The following PDIA3 variants were observed in gnomAD, a reference collection of about 807,000 sequenced individuals.
PDIA3 encodes protein disulfide isomerase family A member 3, also known as protein disulfide-isomerase A3.
Under a neutral mutation model 56.9 loss-of-function variants are expected in PDIA3, and 16 were observed. That is an observed-to-expected ratio of 0.28 (90% CI 0.19 to 0.43). The LOEUF (loss-of-function observed/expected upper bound fraction) is 0.43. Among genes scored for constraint, PDIA3 ranks in the 20% least tolerant of loss-of-function variants. The pLI, the probability that PDIA3 is intolerant of heterozygous loss-of-function variation, is 1.00. For missense variants in PDIA3, 485 were observed against 621.3 expected, an observed-to-expected ratio of 0.78 and a Z score of 2.33; for synonymous variants, 192 against 216.5, an observed-to-expected ratio of 0.89 and a Z score of 0.99.
intron 8 of PDIA3, among the ~76,000 whole-genome samples, chr15:43,767,232 A>G (rs1268367273): frequency 1.3e-5 from 2 of 151,980 alleles, no homozygotes; most frequent in Admixed American, 6.6e-5. Flanking sequence ...CATGCCTGCA[A>G]TCCCAGCTAC....
intron 4 of PDIA3, 119 bp from the exon 5 acceptor site, chr15:43,762,958 G>A: frequency 2.1e-6 from 2 of 970,316 alleles, no homozygotes; most frequent in South Asian, 1.6e-5. Flanking sequence ...TGGCAAAGCA[G>A]ACCCAGTCCT....
intron 3 of PDIA3, among the ~76,000 whole-genome samples, chr15:43,758,053 A>G (rs745614774): frequency 6.6e-6 from 1 of 151,716 alleles, no homozygotes; most frequent in Non-Finnish European, 1.5e-5. Flanking sequence ...AGCCTGACCA[A>G]CATGGGGAAA....
chr15:43,747,809 A>G (rs1006571059), intron 1 of PDIA3, among the ~76,000 whole-genome samples: 2 of 152,120 alleles, frequency 1.3e-5, no homozygotes, highest in African/African-American at 2.4e-5. Context: ...GCCTCAAACA[A>G]CTTGCTAAGG....
At position 43,773,131 on chromosome 15, in the gene PDIA3, C is replaced by G. The variant is rs763733914; in HGVS notation, c.*1913C>G. ...CTTGATAACTTCAGCTGCCCCTGTT[C>G]TTTTCCTCAAACTCCAGGATGAGAC... On this transcript the variant is annotated 3_prime_UTR_variant, in exon 13 of 13. Coordinates refer to ENST00000300289, the MANE Select transcript of PDIA3 (RefSeq NM_005313.5). The G allele has an allele frequency of 3.1e-6, 5 of 1,608,454 alleles. No homozygotes were observed. The highest frequency in any genetic ancestry group is 4.2e-6 in the Non-Finnish European group (5 of 1,178,400).
intron 1 of PDIA3, chr15:43,753,016 C>A: frequency 2.6e-6 from 1 of 380,122 alleles, no homozygotes; most frequent in South Asian, 1.9e-5. Flanking sequence ...AAAAATCAGG[C>A]CTGCCATCTA....
At chr15:43,751,932 A>T (rs1055265768) in intron 1 of PDIA3, among the ~76,000 whole-genome samples, 2 of 152,198 alleles carry the variant, frequency 1.3e-5, no homozygotes, top group Non-Finnish European at 2.9e-5. Flanking sequence ...AGCCTTGACA[A>T]CTACTATATA....
intron 1 of PDIA3, among the ~76,000 whole-genome samples, chr15:43,753,108 T>C: frequency 6.7e-6 from 1 of 149,924 alleles, no homozygotes; most frequent in East Asian, 2.0e-4. Context: ...GACAGAGTCT[T>C]ATTCTGTCAC....
chr15:43,767,795 GAAAT>G (rs1315960496), intron 8 of PDIA3, among the ~76,000 whole-genome samples: 16 of 134,770 alleles, frequency 1.2e-4, no homozygotes, highest in African/African-American at 3.6e-4. Context: ...AAAAAAGAAA[GAAAT>G]AGATAAGATT....
At chr15:43,765,276 G>T (rs2086840663) in intron 5 of PDIA3, among the ~76,000 whole-genome samples, 174 bp from the exon 6 acceptor site, 1 of 151,896 alleles carries the variant, frequency 6.6e-6, no homozygotes, top group Non-Finnish European at 1.5e-5. Flanking sequence ...AGCTATTTGG[G>T]CAGCTAAGGT....
At chr15:43,747,774 T>C (rs2086716720) in intron 1 of PDIA3, among the ~76,000 whole-genome samples, 1 of 152,204 alleles carries the variant, frequency 6.6e-6, no homozygotes, top group African/African-American at 2.4e-5. Flanking sequence ...TTTTATTTGC[T>C]TCAGACTCAG....
rs145154008 is a variant in PDIA3 at position 43,769,628 on chromosome 15, T to C, written c.1248T>C (p.Tyr416=). ...CGHCKNLEPK[Y]KELGEKLSKD... ...ACTGTAAGAACCTGGAGCCCAAGTA[T>C]AAAGAACTTGGCGAGAAGGTAAGTG... The change falls in exon 10 of 13, where the codon TAT becomes TAC. Residue 416 remains tyrosine (Y), a synonymous_variant. Coordinates refer to ENST00000300289, the MANE Select transcript of PDIA3 (RefSeq NM_005313.5). 74 of 1,613,886 alleles carry C rather than the reference T, an allele frequency of 4.6e-5. No individual in the cohort carries two copies. The Middle Eastern group carries it at 6.6e-4, about 14-fold the overall frequency.
At position 43,752,989 on chromosome 15, in the gene PDIA3, G is replaced by C. The variant is rs549634873; in HGVS notation, c.168-835G>C. On this transcript the variant is annotated intron_variant, in intron 1 of 12. Coordinates refer to ENST00000300289, the MANE Select transcript of PDIA3 (RefSeq NM_005313.5). ...TTTTGTTATCACTTCTCATGGCTAG[G>C]TGAACTATGTAGCTGTAAAAATCAG... 15 of 423,892 alleles carry C rather than the reference G, an allele frequency of 3.5e-5. No homozygotes were observed. The East Asian group carries it at 1.1e-3, about 30-fold the overall frequency. 26.3% of individuals were successfully genotyped at this position (423,892 alleles called of 1,614,324 possible). A position where few individuals can be genotyped will look rare whatever the true frequency, so the allele number is the denominator to read the frequency against.
rs746215032 is a variant in PDIA3 at position 43,771,128 on chromosome 15, T to C, written c.1428T>C (p.Phe476=). Residue 476 remains phenylalanine (F), a synonymous_variant, in exon 13 of 13, where the codon TTT becomes TTC. Transcript: ENST00000300289. Reference sequence around the variant, plus strand: ...AGGGTGGCCGTGAATTAAGTGATTTTATTAGCTATCTACAAAGAGAAGCTA... The same window carrying C: ...AGGGTGGCCGTGAATTAAGTGATTTCATTAGCTATCTACAAAGAGAAGCTA... ...KYEGGRELSD[F]ISYLQREATN... is the part of the protein sequence containing the mutation. 2 of 1,612,902 alleles carry C rather than the reference T, an allele frequency of 1.2e-6. No homozygotes were observed. The highest frequency in any genetic ancestry group is 1.7e-6 in the Non-Finnish European group (2 of 1,179,422).
chr15:43,767,930 C>A (rs1321809013), intron 8 of PDIA3, among the ~76,000 whole-genome samples: 3 of 152,074 alleles, frequency 2.0e-5, no homozygotes, highest in Non-Finnish European at 4.4e-5. Flanking sequence ...GCCTGGGCAA[C>A]ATAGCAAGAC....
Position 43,772,578 on chromosome 15 carries a change from G to A in PDIA3, c.*1360G>A, listed in dbSNP as rs905432228. 2.0e-5 allele frequency: 3 copies of A among 152,172 alleles called. No individual in the cohort carries two copies. The highest frequency in any genetic ancestry group is 7.2e-5 in the African/African-American group (3 of 41,438). The allele number at this position is 152,172 out of a possible 1,614,324, so 9.4% of individuals were successfully genotyped here. ...GAACCATCTGCCTTGGAAGATTTAA[G>A]GGAAACATATAAACTTGTACAAAGG... On this transcript the variant is annotated 3_prime_UTR_variant, in exon 13 of 13. Transcript: ENST00000300289.
chr15:43,746,678 C>G lies in PDIA3; in HGVS notation c.139C>G (p.Leu47Val). The G allele has an allele frequency of 6.2e-7, 1 of 1,612,978 alleles. No individual in the cohort carries two copies. Among genetic ancestry groups the G allele is most frequent in the Non-Finnish European group, 8.5e-7 (1 of 1,179,916 alleles). ...SRISDTGSAG[L>V]MLVEFFAPWC... ...CATCTCCGACACGGGCTCTGCGGGCCTCATGCTCGTCGAGTTCTTCGCCCC... is the reference window on the plus strand; with the variant it reads ...CATCTCCGACACGGGCTCTGCGGGCGTCATGCTCGTCGAGTTCTTCGCCCC... The change falls in exon 1 of 13, where the codon CTC becomes GTC. Residue 47 changes from leucine (L) to valine (V), a missense_variant. By Grantham distance (32) the Leu-to-Val change is conservative. Transcript: ENST00000300289.
chr15:43,766,983 G>C (rs2086851068), intron 8 of PDIA3, 73 bp downstream of exon 8: 1 of 1,308,546 alleles, frequency 7.6e-7, no homozygotes, highest in African/African-American at 1.5e-5. Context: ...GATTTCTAAA[G>C]AACAATAACC....
intron 1 of PDIA3, among the ~76,000 whole-genome samples, chr15:43,753,489 A>C (rs115626823): frequency 0.011 from 1,607 of 152,300 alleles, 35 homozygotes; most frequent in African/African-American, 0.037. Context: ...AATTGGTCAA[A>C]AGGGCATTAA....
intron 2 of PDIA3, among the ~76,000 whole-genome samples, chr15:43,755,365 A>G (rs2086772101): frequency 6.6e-6 from 1 of 152,166 alleles, no homozygotes; most frequent in African/African-American, 2.4e-5. Flanking sequence ...TGAGTTCCCT[A>G]AACTGCTATG....
Sources: gnomAD v4.1 joint callset for allele counts (sites outside exome capture counted in the v4.1 genomes callset) on GRCh38, gnomAD v4.1.1 for gene constraint, MANE v1.5 for transcripts, NCBI Gene and HGNC (gene_info 2026-07-23, HGNC 2026-07-21) for gene names.